The following NEDD9 variants were observed in gnomAD, a reference collection of about 807,000 sequenced individuals.
NEDD9 encodes neural precursor cell expressed, developmentally down-regulated 9.
A neutral mutation model predicts 76.6 loss-of-function variants in NEDD9; 26 were observed. That is an observed-to-expected ratio of 0.34 (90% CI 0.25 to 0.47). The LOEUF is 0.47. NEDD9 is among the 20% of genes least tolerant of loss of function. The pLI, the probability that NEDD9 is intolerant of heterozygous loss-of-function variation, is 1.00. For synonymous variants in NEDD9, 392 were observed against 414.2 expected, an observed-to-expected ratio of 0.95 and a Z score of 0.65; for missense variants, 937 against 1,058.5, an observed-to-expected ratio of 0.89 and a Z score of 1.59.
chr6:11,188,348 G>A, intron 5 of NEDD9, 41 bp from the exon 6 acceptor site: 1 of 1,458,918 alleles, frequency 6.9e-7, no homozygotes, highest in Non-Finnish European at 9.6e-7. Flanking sequence ...TGTCATCACT[G>A]TGATTCACTT....
chr6:11,189,325 A>G (rs1315613876), intron 5 of NEDD9, among the ~76,000 whole-genome samples: 1 of 152,166 alleles, frequency 6.6e-6, no homozygotes, highest in East Asian at 1.9e-4. Flanking sequence ...AGAATTCCCA[A>G]TTGTAGGAGG....
chr6:11,200,583 TG>T, intron 2 of NEDD9: 1 of 1,080,390 alleles, frequency 9.3e-7, no homozygotes, highest in Non-Finnish European at 1.1e-6. Context: ...CCTTTCAAAA[TG>T]TTTTAGGATC....
intron 5 of NEDD9, among the ~76,000 whole-genome samples, 176 bp downstream of exon 5, chr6:11,189,788 C>T (rs1280652893): frequency 6.6e-6 from 1 of 152,200 alleles, no homozygotes; most frequent in Non-Finnish European, 1.5e-5. Flanking sequence ...GTACTCAGGA[C>T]TCTCAGCCCA....
intron 1 of NEDD9, among the ~76,000 whole-genome samples, chr6:11,343,830 C>T (rs938932017): frequency 2.0e-5 from 3 of 152,070 alleles, no homozygotes; most frequent in Admixed American, 6.6e-5. Flanking sequence ...ATTTACAGGG[C>T]AAGAAACCTA....
At chr6:11,240,676 T>C (rs897891328) in intron 3 of NEDD9, among the ~76,000 whole-genome samples, 1 of 152,238 alleles carries the variant, frequency 6.6e-6, no homozygotes, top group African/African-American at 2.4e-5. Context: ...TGAAAAACGT[T>C]GACAGATTAA....
At chr6:11,354,120 G>A (rs1166537135) in intron 1 of NEDD9, among the ~76,000 whole-genome samples, 2 of 152,254 alleles carry the variant, frequency 1.3e-5, no homozygotes, top group African/African-American at 4.8e-5. Flanking sequence ...CAGGCAATGT[G>A]AAATACTGTG....
chr6:11,356,008 A>AT (rs1762568131), intron 1 of NEDD9, among the ~76,000 whole-genome samples: 1 of 152,104 alleles, frequency 6.6e-6, no homozygotes, highest in Non-Finnish European at 1.5e-5. Flanking sequence ...GGCGTGAGCC[A>AT]CCATGCCCGG....
intron 2 of NEDD9, among the ~76,000 whole-genome samples, chr6:11,325,130 G>A (rs550337202): frequency 6.6e-6 from 1 of 152,194 alleles, no homozygotes; most frequent in South Asian, 2.1e-4. Context: ...CCGAGGTGGT[G>A]GATCACCTGA....
chr6:11,345,950 C>T (rs760864699), intron 1 of NEDD9, among the ~76,000 whole-genome samples: 1 of 152,226 alleles, frequency 6.6e-6, no homozygotes, highest in East Asian at 1.9e-4. Context: ...GCTCTGTTTG[C>T]GTAAAAGCTC....
intron 3 of NEDD9, among the ~76,000 whole-genome samples, chr6:11,268,279 T>G (rs1011161402): frequency 3.3e-5 from 5 of 152,108 alleles, no homozygotes; most frequent in Admixed American, 2.0e-4. Flanking sequence ...AGTGATCTTG[T>G]CTTGGCCTCC....
In NEDD9 at chr6:11,192,332, GTCAC is replaced by G. The variant is rs772645635; in HGVS notation, c.663+9_663+12del. 2.7e-6 allele frequency: 4 copies of G among 1,474,868 alleles called. No individual in the cohort carries two copies. In the African/African-American group the frequency reaches 6.3e-5, roughly 23 times the overall value. 91.4% of individuals were successfully genotyped at this position (1,474,868 alleles called of 1,614,324 possible). The stretch of plus-strand genomic sequence containing the variant: ...ACACACTCCTTTTTGCTGCTTTGTA[GTCAC>G]TCACTCACCCCTTTTGTAGGCGGGA... On this transcript the variant is annotated intron_variant, in intron 4 of 6. Coordinates refer to ENST00000379446, the MANE Select transcript of NEDD9 (RefSeq NM_006403.4).
chr6:11,343,841 A>C (rs995851674), intron 1 of NEDD9, among the ~76,000 whole-genome samples: 4 of 152,198 alleles, frequency 2.6e-5, no homozygotes, highest in African/African-American at 7.2e-5. Flanking sequence ...AAGAAACCTA[A>C]GTAAAAGGGT....
intron 1 of NEDD9, among the ~76,000 whole-genome samples, chr6:11,347,489 C>A (rs1038510424): frequency 1.3e-5 from 2 of 152,046 alleles, no homozygotes; most frequent in Non-Finnish European, 2.9e-5. Flanking sequence ...ACAAAACAAA[C>A]AAACAAAAAT....
At chr6:11,197,506 T>A (rs1041180765) in intron 2 of NEDD9, among the ~76,000 whole-genome samples, 1 of 152,186 alleles carries the variant, frequency 6.6e-6, no homozygotes, top group African/African-American at 2.4e-5. Flanking sequence ...GATGTTAGTA[T>A]ACCATTCTCA....
intron 2 of NEDD9, among the ~76,000 whole-genome samples, chr6:11,329,585 T>TA (rs1405174672): frequency 1.3e-5 from 2 of 152,222 alleles, no homozygotes; most frequent in African/African-American, 4.8e-5. Flanking sequence ...TAAGAGCACT[T>TA]ACAATGTGCC....
At chr6:11,379,456 T>C (rs1357929893) in intron 1 of NEDD9, among the ~76,000 whole-genome samples, 1 of 151,932 alleles carries the variant, frequency 6.6e-6, no homozygotes, top group Admixed American at 6.6e-5. Context: ...GGTGTGATGG[T>C]GGGCACCTGC....
intron 1 of NEDD9, chr6:11,352,180 G>T (rs1459214360): frequency 1.3e-5 from 2 of 152,144 alleles, no homozygotes; most frequent in African/African-American, 2.4e-5. Flanking sequence ...TTTTCTTCAG[G>T]GTTAACATGT....
intron 3 of NEDD9, among the ~76,000 whole-genome samples, chr6:11,304,251 AAG>A (rs1231988657): frequency 6.6e-6 from 1 of 152,370 alleles, no homozygotes; most frequent in East Asian, 1.9e-4. Flanking sequence ...CAAAACCACA[AAG>A]AGATACTATC....
At chr6:11,225,437 C>T (rs902619575) in intron 1 of NEDD9, among the ~76,000 whole-genome samples, 19 of 152,204 alleles carry the variant, frequency 1.2e-4, no homozygotes, top group Non-Finnish European at 2.8e-4. Flanking sequence ...GCACCAGAAG[C>T]ACTAGTAGTG....
Sources: gnomAD v4.1 joint callset for allele counts (sites outside exome capture counted in the v4.1 genomes callset) on GRCh38, gnomAD v4.1.1 for gene constraint, MANE v1.5 for transcripts, NCBI Gene and HGNC (gene_info 2026-07-23, HGNC 2026-07-21) for gene names.